The following PDE4D variants were observed in gnomAD, a reference collection of about 807,000 sequenced individuals.
PDE4D encodes 3',5'-cyclic-AMP phosphodiesterase 4D.
PDE4D carries 24 observed loss-of-function variants against 87.4 expected under a neutral mutation model. The observed-to-expected ratio is 0.27, with a 90% CI of 0.20 to 0.39. PDE4D has a LOEUF of 0.39. PDE4D is among the 10% of genes least tolerant of loss of function. The probability of loss-of-function intolerance (pLI) is 1.00; values close to 1 mark genes in which losing one functional copy is unlikely to be tolerated. For synonymous variants in PDE4D, 384 were observed against 383.2 expected (o/e 1.00, Z -0.02); for missense variants, 714 against 1,041.0 (o/e 0.69, Z 4.32).
intron 1 of PDE4D, among the ~76,000 whole-genome samples, chr5:59,756,811 T>A (rs1761301243): frequency 4.2e-5 from 1 of 23,764 alleles, no homozygotes; most frequent in Admixed American, 2.6e-4. Flanking sequence ...AGGTTCTTAC[T>A]TTTTTTTTTT....
At chr5:60,255,032 C>A (rs1748892111) in intron 1 of PDE4D, among the ~76,000 whole-genome samples, 1 of 151,886 alleles carries the variant, frequency 6.6e-6, no homozygotes, top group South Asian at 2.1e-4. Flanking sequence ...ACTGCTGCCT[C>A]AGTTTACACT....
intron 1 of PDE4D, among the ~76,000 whole-genome samples, chr5:59,880,197 C>T (rs1014236154): frequency 1.3e-5 from 2 of 152,072 alleles, no homozygotes; most frequent in Non-Finnish European, 2.9e-5. Context: ...CCTTGAACCC[C>T]TGGGCTCAAG....
At position 60,077,495 on chromosome 5, in the gene PDE4D, A is replaced by G. The variant is rs113962813; in HGVS notation, c.43-88778T>C. Among the ~76,000 whole-genome samples, 1,170 of 152,230 alleles carry G rather than the reference A, an allele frequency of 7.7e-3. 13 individuals are homozygous for G. The highest frequency in any genetic ancestry group is 0.027 in the African/African-American group (1,114 of 41,532). ...AGGAGCTGTAATGCAGGCCCCCACG[A>G]GCTACCTGGGGACTGCACTGCAAGC... On this transcript the variant is annotated intron_variant, in intron 2 of 16. Coordinates refer to the PDE4D transcript ENST00000502484.
At chr5:60,331,176 T>C (rs1023232119) in intron 1 of PDE4D, among the ~76,000 whole-genome samples, 1 of 152,184 alleles carries the variant, frequency 6.6e-6, no homozygotes, top group East Asian at 1.9e-4. Context: ...GAAAAATACA[T>C]GCACTTTAGA....
At chr5:60,397,670 G>C (rs905775761) in intron 1 of PDE4D, among the ~76,000 whole-genome samples, 1 of 152,160 alleles carries the variant, frequency 6.6e-6, no homozygotes, top group Non-Finnish European at 1.5e-5. Flanking sequence ...AGAGATATTG[G>C]TCAAAGGATA....
chr5:59,536,395 C>T (rs1815242501), intron 1 of PDE4D, among the ~76,000 whole-genome samples: 1 of 150,522 alleles, frequency 6.6e-6, no homozygotes, highest in Admixed American at 6.7e-5. Flanking sequence ...GTCCCAGCTA[C>T]TCGGGAGGCT....
chr5:60,183,068 A>C (rs1327267361), intron 2 of PDE4D, among the ~76,000 whole-genome samples: 1 of 152,132 alleles, frequency 6.6e-6, no homozygotes, highest in African/African-American at 2.4e-5. Context: ...ACCTTAAAAG[A>C]AGCAGCAGCA....
intron 1 of PDE4D, among the ~76,000 whole-genome samples, chr5:59,871,997 G>T (rs1452829871): frequency 6.6e-6 from 1 of 151,858 alleles, no homozygotes; most frequent in Non-Finnish European, 1.5e-5. Flanking sequence ...GCTTCTATCT[G>T]ATTTATCTGT....
intron 1 of PDE4D, among the ~76,000 whole-genome samples, chr5:60,290,153 C>T (rs1752762399): frequency 6.6e-6 from 1 of 152,040 alleles, no homozygotes. Flanking sequence ...TCCATCTGAC[C>T]AGCCATTCAT....
intron 1 of PDE4D, among the ~76,000 whole-genome samples, chr5:59,712,125 C>T (rs920072599): frequency 3.3e-5 from 5 of 151,830 alleles, no homozygotes; most frequent in East Asian, 1.9e-4. Flanking sequence ...CTTTTCTACT[C>T]GTTTTAGAGT....
chr5:59,349,435 T>G (rs1780149659), intron 1 of PDE4D, among the ~76,000 whole-genome samples: 1 of 152,082 alleles, frequency 6.6e-6, no homozygotes, highest in African/African-American at 2.4e-5. Flanking sequence ...GTATTCCTTA[T>G]TTGCTCTGCC....
At chr5:60,126,024 C>T (rs1162392487) in intron 2 of PDE4D, among the ~76,000 whole-genome samples, 1 of 152,072 alleles carries the variant, frequency 6.6e-6, no homozygotes, top group African/African-American at 2.4e-5. Context: ...TAGTTGGGGG[C>T]ATGGTTCTTT....
At chr5:59,526,789 A>G (rs938220738) in intron 1 of PDE4D, among the ~76,000 whole-genome samples, 3 of 151,452 alleles carry the variant, frequency 2.0e-5, no homozygotes, top group African/African-American at 4.9e-5. Context: ...ATGCTTGGCT[A>G]TTTTTTTTGT....
At chr5:59,308,131 T>C (rs1015700334) in intron 1 of PDE4D, among the ~76,000 whole-genome samples, 16 of 150,756 alleles carry the variant, frequency 1.1e-4, no homozygotes, top group Non-Finnish European at 2.2e-4. Context: ...AAACACCGCA[T>C]GTTCTCACTC....
intron 3 of PDE4D, among the ~76,000 whole-genome samples, chr5:59,945,923 T>A (rs763371677): frequency 2.0e-5 from 3 of 152,204 alleles, no homozygotes; most frequent in Non-Finnish European, 2.9e-5. Context: ...AGGGCAATTG[T>A]GTAGCTCTAA....
chr5:60,124,255 C>T (rs1008483790), intron 2 of PDE4D, among the ~76,000 whole-genome samples: 2 of 151,996 alleles, frequency 1.3e-5, no homozygotes, highest in Non-Finnish European at 2.9e-5. Flanking sequence ...TAATAAAATG[C>T]TCCCCCTAAC....
chr5:59,959,617 T>C (rs1333657443), intron 3 of PDE4D, among the ~76,000 whole-genome samples: 2 of 152,110 alleles, frequency 1.3e-5, no homozygotes, highest in African/African-American at 2.4e-5. Flanking sequence ...GGGAAGGGAC[T>C]CCTTATTCAA....
At chr5:59,580,820 A>T (rs1038417501) in intron 1 of PDE4D, among the ~76,000 whole-genome samples, 5 of 152,198 alleles carry the variant, frequency 3.3e-5, no homozygotes, top group African/African-American at 1.2e-4. Flanking sequence ...AGAAGGTCAC[A>T]CAAAACATTA....
chr5:59,564,548 A>C (rs1820574533), intron 1 of PDE4D, among the ~76,000 whole-genome samples: 1 of 152,222 alleles, frequency 6.6e-6, no homozygotes, highest in Admixed American at 6.5e-5. Context: ...TTTTGGTGAG[A>C]CAATCTAGCC....
Sources: allele counts gnomAD v4.1 joint callset (sites outside exome capture counted in the v4.1 genomes callset), GRCh38; gene constraint gnomAD v4.1.1; transcripts MANE v1.5; gene names NCBI Gene and HGNC (gene_info 2026-07-23, HGNC 2026-07-21).